Variants in DNM1L observed in about 807,000 individuals in gnomAD.
The protein encoded by DNM1L is dynamin 1L.
DNM1L carries 33 observed loss-of-function variants against 92.8 expected under a neutral mutation model. The observed-to-expected ratio is 0.36, with a 90% CI of 0.27 to 0.48. The LOEUF (loss-of-function observed/expected upper bound fraction) is 0.48. Among genes scored for constraint, DNM1L ranks in the 20% least tolerant of loss-of-function variants. The pLI, the probability that DNM1L is intolerant of heterozygous loss-of-function variation, is 0.99. For synonymous variants in DNM1L, 284 were observed against 305.0 expected, an observed-to-expected ratio of 0.93 and a Z score of 0.72; for missense variants, 485 against 888.8, an observed-to-expected ratio of 0.55 and a Z score of 5.78.
intron 2 of DNM1L, among the ~76,000 whole-genome samples, chr12:32,704,662 C>T (rs1197799824): frequency 1.3e-5 from 2 of 151,922 alleles, no homozygotes; most frequent in South Asian, 4.1e-4. Context: ...TAAAAGCAAT[C>T]AGTTGCCCCC....
At chr12:32,686,123 T>C (rs1392532547) in intron 1 of DNM1L, among the ~76,000 whole-genome samples, 8 of 144,630 alleles carry the variant, frequency 5.5e-5, no homozygotes, top group African/African-American at 2.1e-4. Context: ...CGATCTCGGC[T>C]CACAGCAACC....
chr12:32,681,530 AAGAG>A (rs145985226), intron 1 of DNM1L, among the ~76,000 whole-genome samples: 12 of 147,140 alleles, frequency 8.2e-5, no homozygotes, highest in South Asian at 6.5e-4. Context: ...CCCCAGCAGA[AAGAG>A]AGAGAATAGA....
At chr12:32,727,569 T>G in intron 9 of DNM1L, 2 of 526,896 alleles carry the variant, frequency 3.8e-6, no homozygotes. Flanking sequence ...CTGAGATAAT[T>G]CCTAAAATTT....
rs1955492297 is a variant in DNM1L at position 32,744,017 on chromosome 12, GT to G, written c.*609del. ...ATGGCTGTGGTGTGCATACTGTGTA[GT>G]TACATAGCCCTTCCAATTCTGGGTC... On this transcript the variant is annotated 3_prime_UTR_variant, in exon 20 of 20. Transcript: ENST00000549701. The G allele has an allele frequency of 6.5e-6, 1 of 153,170 alleles. No individual in the cohort carries two copies. Among genetic ancestry groups the G allele is most frequent in the African/African-American group, 2.4e-5 (1 of 41,448 alleles). 9.5% of individuals were successfully genotyped at this position (153,170 alleles called of 1,614,324 possible).
At chr12:32,698,911 G>T (rs936959861) in intron 1 of DNM1L, among the ~76,000 whole-genome samples, 3 of 152,026 alleles carry the variant, frequency 2.0e-5, no homozygotes, top group Non-Finnish European at 4.4e-5. Context: ...TAGCTACTCG[G>T]GAGGCAGAGG....
intron 1 of DNM1L, among the ~76,000 whole-genome samples, chr12:32,700,574 C>T (rs1170603087): frequency 1.3e-5 from 2 of 151,910 alleles, no homozygotes; most frequent in Non-Finnish European, 2.9e-5. Flanking sequence ...TGGCAAAGCC[C>T]CACCTTTACA....
intron 9 of DNM1L, among the ~76,000 whole-genome samples, chr12:32,727,818 T>C (rs1244151669): frequency 6.6e-6 from 1 of 152,206 alleles, no homozygotes; most frequent in African/African-American, 2.4e-5. Context: ...TATATACACA[T>C]ATAAGCTGTG....
chr12:32,697,375 C>T (rs368547385), intron 1 of DNM1L, among the ~76,000 whole-genome samples: 8 of 151,960 alleles, frequency 5.3e-5, no homozygotes, highest in East Asian at 1.9e-4. Flanking sequence ...TTGTATTACA[C>T]GTAACTAAGA....
intron 2 of DNM1L, among the ~76,000 whole-genome samples, chr12:32,703,055 CTCTT>C (rs1182553571): frequency 1.4e-5 from 2 of 144,226 alleles, no homozygotes; most frequent in Non-Finnish European, 3.0e-5. Context: ...TTCTCTCTCT[CTCTT>C]TTTTTTTTTT....
At chr12:32,736,742 T>C (rs1275599363) in intron 13 of DNM1L, among the ~76,000 whole-genome samples, 1 of 152,184 alleles carries the variant, frequency 6.6e-6, no homozygotes, top group Non-Finnish European at 1.5e-5. Flanking sequence ...CACATGGTTA[T>C]GTTGAAGGCT....
chr12:32,733,569 G>A (rs1954697944), intron 12 of DNM1L, 146 bp from the exon 13 acceptor site: 3 of 680,660 alleles, frequency 4.4e-6, no homozygotes, highest in South Asian at 3.6e-5. Context: ...AGATTTATCA[G>A]TTGGAATATA....
intron 9 of DNM1L, chr12:32,728,452 T>C (rs940107663): frequency 6.6e-6 from 1 of 152,216 alleles, no homozygotes; most frequent in East Asian, 1.9e-4. Context: ...TTTAAATACT[T>C]CTTATTGTTA....
intron 1 of DNM1L, among the ~76,000 whole-genome samples, chr12:32,700,742 T>TAATAATAATAA (rs1379141042): frequency 6.6e-5 from 10 of 152,082 alleles, no homozygotes; most frequent in African/African-American, 1.9e-4. Flanking sequence ...TGACACACTG[T>TAATAATAATAA]AATAATAATA....
At chr12:32,738,009 C>T in intron 15 of DNM1L, 67 bp downstream of exon 15, 1 of 1,498,740 alleles carries the variant, frequency 6.7e-7, no homozygotes, top group Non-Finnish European at 9.3e-7. Flanking sequence ...CTTCTGGAAA[C>T]AATACACTGA....
intron 12 of DNM1L, 37 bp from the exon 13 acceptor site, chr12:32,733,678 G>A: frequency 1.3e-6 from 2 of 1,528,706 alleles, no homozygotes; most frequent in Non-Finnish European, 9.1e-7. Flanking sequence ...TATGGTTGAT[G>A]TATTTTTGTA....
chr12:32,728,541 C>T (rs1954310685), intron 9 of DNM1L: 1 of 152,112 alleles, frequency 6.6e-6, no homozygotes, highest in African/African-American at 2.4e-5. Context: ...TTATCTGTGT[C>T]CACCTAATCA....
At chr12:32,721,155 T>G (rs1488772776) in intron 8 of DNM1L, among the ~76,000 whole-genome samples, 1 of 152,242 alleles carries the variant, frequency 6.6e-6, no homozygotes, top group Non-Finnish European at 1.5e-5. Flanking sequence ...AGAATGTGTT[T>G]TATTTACCAG....
At chr12:32,718,214 T>TCTGTG (rs1387689176) in intron 6 of DNM1L, among the ~76,000 whole-genome samples, 2 of 149,054 alleles carry the variant, frequency 1.3e-5, no homozygotes, top group Non-Finnish European at 3.0e-5. Flanking sequence ...CGATCTCAGC[T>TCTGTG]CACTGCAACC....
chr12:32,743,574 TCA>T lies in DNM1L; in HGVS notation c.*169_*170del. ...AGTGTATTCCAAATTGCAGAACACA[TCA>T]CACATTTAATCCAAATAATAAATGG... On this transcript the variant is annotated 3_prime_UTR_variant, in exon 20 of 20. Coordinates refer to ENST00000549701, the MANE Select transcript of DNM1L (RefSeq NM_012062.5). The T allele has an allele frequency of 1.5e-6, 1 of 646,428 alleles. No homozygotes were observed. Among genetic ancestry groups the T allele is most frequent in the Non-Finnish European group, 2.7e-6 (1 of 369,686 alleles). The allele number at this position is 646,428 out of a possible 1,614,324, so 40.0% of individuals were successfully genotyped here.
Sources: gnomAD v4.1 joint callset for allele counts (sites outside exome capture counted in the v4.1 genomes callset) on GRCh38, gnomAD v4.1.1 for gene constraint, MANE v1.5 for transcripts, NCBI Gene and HGNC (gene_info 2026-07-23, HGNC 2026-07-21) for gene names.